The following DLG5 variants were observed in gnomAD, a reference collection of about 807,000 sequenced individuals.
The protein encoded by DLG5 is discs large MAGUK scaffold protein 5, also known as disks large homolog 5.
Under a neutral mutation model 189.8 loss-of-function variants are expected in DLG5, and 48 were observed. The observed-to-expected ratio is 0.25, with a 90% CI of 0.20 to 0.32. DLG5 has a LOEUF of 0.32. DLG5 is among the 10% of genes least tolerant of loss of function. The probability of loss-of-function intolerance (pLI) is 1.00; values close to 1 mark genes in which losing one functional copy is unlikely to be tolerated. For missense variants in DLG5, 2,160 were observed against 2,544.7 expected, an observed-to-expected ratio of 0.85 and a Z score of 3.25; for synonymous variants, 1,016 against 1,054.1, an observed-to-expected ratio of 0.96 and a Z score of 0.70.
In DLG5 at chr10:77,796,243, A is replaced by G; in HGVS notation, c.5309-55T>C. 1.2e-6 allele frequency: 2 copies of G among 1,612,856 alleles called. No individual in the cohort carries two copies. The highest frequency in any genetic ancestry group is 2.7e-5 in the African/African-American group (2 of 75,036). On this transcript the variant is annotated intron_variant, in intron 28 of 31. Coordinates refer to ENST00000372391, the MANE Select transcript of DLG5 (RefSeq NM_004747.4). This position sits in a 1 kb window ranked among gnomAD's most constrained non-coding sequence, Gnocchi z 5.2. The stretch of plus-strand genomic sequence containing the variant: ...GCCCCAGGCCCTGCTGAGCCCCAGC[A>G]GAGGGAGCAGGGGAAGAACACTGCT...
Position 77,796,561 on chromosome 10 carries a change from T to C in DLG5, c.5198A>G (p.Lys1733Arg). The C allele has an allele frequency of 6.2e-7, 1 of 1,614,064 alleles. No homozygotes were observed. The highest frequency in any genetic ancestry group is 8.5e-7 in the Non-Finnish European group (1 of 1,180,000). Residue 1733 changes from lysine (K) to arginine (R), a missense_variant, in exon 28 of 32, where the codon AAG becomes AGG. Physicochemically the swap from Lys to Arg is conservative, Grantham distance 26. Transcript: ENST00000372391. This position sits in a 1 kb window ranked among gnomAD's most constrained non-coding sequence, Gnocchi z 5.2. ...AGGCCTCAGAGCGGTGCAGTCCACC[T>C]TCTGGACCCGCTGATAGGCCAGGCT... ...SVSLAYQRVQ[K>R]VDCTALRPVL...
At chr10:77,849,862 AAAT>A (rs1843878842) in intron 5 of DLG5, among the ~76,000 whole-genome samples, 1 of 152,186 alleles carries the variant, frequency 6.6e-6, no homozygotes, top group South Asian at 2.1e-4. Context: ...CCTTCTAAAA[AAAT>A]AATATTTTCA....
chr10:77,832,244 A>T (rs1204414984), intron 9 of DLG5, among the ~76,000 whole-genome samples: 2 of 152,262 alleles, frequency 1.3e-5, no homozygotes, highest in African/African-American at 4.8e-5. Context: ...ATATTAGCTC[A>T]GAGAAAGACC....
At position 77,830,964 on chromosome 10, in the gene DLG5, G is replaced by C. The variant is rs1324944692; in HGVS notation, c.1749-91C>G. 4 of 1,474,806 alleles carry C rather than the reference G, an allele frequency of 2.7e-6. No homozygotes were observed. The Admixed American group carries it at 6.3e-5, about 23-fold the overall frequency. 91.4% of individuals were successfully genotyped at this position (1,474,806 alleles called of 1,614,324 possible). On this transcript the variant is annotated intron_variant, in intron 9 of 31. Coordinates refer to ENST00000372391, the MANE Select transcript of DLG5 (RefSeq NM_004747.4). ...CTGAACCTCACGAGGCAGGCCATTT[G>C]AAACAGCTAAAATGGGTTCCTTTCC...
At chr10:77,808,009 G>A in intron 24 of DLG5, 65 bp from the exon 25 acceptor site, 1 of 1,595,786 alleles carries the variant, frequency 6.3e-7, no homozygotes, top group East Asian at 2.3e-5. Context: ...GCACCCGAGA[G>A]GGGCCAGTGC....
At chr10:77,819,596 A>G in intron 16 of DLG5, 131 bp from the exon 17 acceptor site, 1 of 1,281,724 alleles carries the variant, frequency 7.8e-7, no homozygotes, top group Non-Finnish European at 1.0e-6. Context: ...ATGAGTTTTA[A>G]CCACCAATTC....
At chr10:77,918,175 C>T (rs1846424733) in intron 1 of DLG5, among the ~76,000 whole-genome samples, 1 of 152,046 alleles carries the variant, frequency 6.6e-6, no homozygotes, top group Non-Finnish European at 1.5e-5. Flanking sequence ...CTTTGAGAGG[C>T]CAAGGTGGGC....
intron 25 of DLG5, among the ~76,000 whole-genome samples, chr10:77,807,250 C>A (rs952301387): frequency 1.3e-5 from 2 of 152,184 alleles, no homozygotes; most frequent in African/African-American, 4.8e-5. Context: ...CCCCTGGTTC[C>A]TACAGACTGG....
At chr10:77,810,388 GA>G (rs2154575254) in intron 23 of DLG5, among the ~76,000 whole-genome samples, 1 of 152,358 alleles carries the variant, frequency 6.6e-6, no homozygotes, top group East Asian at 1.9e-4. Context: ...CTCATTCTGT[GA>G]GATGCTGCCC....
At chr10:77,914,217 A>G (rs1462518377) in intron 1 of DLG5, among the ~76,000 whole-genome samples, 1 of 152,200 alleles carries the variant, frequency 6.6e-6, no homozygotes, top group Non-Finnish European at 1.5e-5. Flanking sequence ...CAGCCCAGAG[A>G]AGCATGGGCC....
chr10:77,796,925 T>C lies in DLG5; in HGVS notation c.5165-331A>G, dbSNP rs2812424. 0.25 allele frequency among the ~76,000 whole-genome samples: 38,143 copies of C among 152,052 alleles called. 5,463 individuals are homozygous for C. Among genetic ancestry groups the C allele is most frequent in the Admixed American group, 0.39 (5,959 of 15,294 alleles). On this transcript the variant is annotated intron_variant, in intron 27 of 31. Coordinates refer to ENST00000372391, the MANE Select transcript of DLG5 (RefSeq NM_004747.4). The surrounding 1 kb of genome is among the most constrained non-coding windows in gnomAD (Gnocchi z 5.2). ...TCCTCTGCTCTCTGGCAAGGCAGCC[T>C]CTGGGGTTTGGCAGGTAAAGCTCCC...
intron 1 of DLG5, among the ~76,000 whole-genome samples, chr10:77,915,607 C>G (rs894279846): frequency 6.6e-6 from 1 of 152,214 alleles, no homozygotes; most frequent in Admixed American, 6.5e-5. Flanking sequence ...AGAAAAGAAC[C>G]TAGCACTGCC....
chr10:77,850,408 T>C (rs552310647), intron 5 of DLG5, among the ~76,000 whole-genome samples: 1 of 152,378 alleles, frequency 6.6e-6, no homozygotes, highest in Non-Finnish European at 1.5e-5. Flanking sequence ...TAATATTCCA[T>C]TGTATGGATA....
intron 2 of DLG5, among the ~76,000 whole-genome samples, chr10:77,859,236 T>C (rs1019462910): frequency 2.0e-5 from 3 of 152,176 alleles, no homozygotes; most frequent in African/African-American, 7.2e-5. Flanking sequence ...TAAAAAAATA[T>C]AAAGTTTATA....
At chr10:77,827,386 C>T (rs549035075) in intron 13 of DLG5, among the ~76,000 whole-genome samples, 5 of 152,024 alleles carry the variant, frequency 3.3e-5, no homozygotes, top group East Asian at 1.9e-4. Flanking sequence ...CCACCAAGCC[C>T]GGCTAATTTT....
At chr10:77,880,877 G>A (rs766269182) in intron 1 of DLG5, among the ~76,000 whole-genome samples, 3 of 147,970 alleles carry the variant, frequency 2.0e-5, no homozygotes, top group Non-Finnish European at 4.5e-5. Flanking sequence ...TAGGCTCAGA[G>A]AAGCCAAGTA....
chr10:77,940,248 C>T, the DLG5 span, among the ~76,000 whole-genome samples: 1 of 152,316 alleles, frequency 6.6e-6, no homozygotes, highest in South Asian at 2.1e-4. Context: ...CCCAAAGCCT[C>T]CCCTTTTCCC....
intron 25 of DLG5, among the ~76,000 whole-genome samples, chr10:77,807,485 C>A (rs1206531753): frequency 6.6e-6 from 1 of 152,200 alleles, no homozygotes; most frequent in Non-Finnish European, 1.5e-5. Context: ...GAGGGATCTG[C>A]AAACCTGGCT....
chr10:77,848,673 A>T (rs1843809986), intron 5 of DLG5, among the ~76,000 whole-genome samples: 1 of 152,212 alleles, frequency 6.6e-6, no homozygotes, highest in African/African-American at 2.4e-5. Flanking sequence ...GCAAATTCAC[A>T]GAAAATGTAA....
Sources: allele counts gnomAD v4.1 joint callset (sites outside exome capture counted in the v4.1 genomes callset), GRCh38; gene constraint gnomAD v4.1.1; non-coding constraint Gnocchi (gnomAD v3.1); transcripts MANE v1.5; gene names NCBI Gene and HGNC (gene_info 2026-07-23, HGNC 2026-07-21).